The following CNKSR2 variants were observed in gnomAD, a reference collection of about 807,000 sequenced individuals.
The protein encoded by CNKSR2 is connector enhancer of kinase suppressor of Ras 2, also known as CNK homolog protein 2.
Under a neutral mutation model 84.4 loss-of-function variants are expected in CNKSR2, and 14 were observed. The ratio of observed to expected loss-of-function variants is 0.17; its 90% confidence interval spans 0.11 to 0.26. The LOEUF (loss-of-function observed/expected upper bound fraction) is 0.26, where lower values mean the gene tolerates loss of function less well. Ranked by LOEUF, CNKSR2 falls within the 10% of genes least tolerant of loss-of-function variation. The pLI is 1.00. For synonymous variants in CNKSR2, 275 were observed against 277.9 expected (o/e 0.99, Z 0.10); for missense variants, 485 against 771.2 (o/e 0.63, Z 4.40).
chrX:21,609,425 G>T lies in CNKSR2; in HGVS notation c.2500G>T (p.Val834Leu). 1 of 1,209,248 alleles carries T rather than the reference G, an allele frequency of 8.3e-7. No individual in the cohort carries two copies. Among genetic ancestry groups the T allele is most frequent in the Middle Eastern group, 2.3e-4 (1 of 4,354 alleles). The change falls in exon 20 of 22, where the codon GTG becomes TTG. Residue 834 changes from valine (V) to leucine (L), a missense_variant. Physicochemically the swap from Val to Leu is conservative, Grantham distance 32 (BLOSUM62 1). This residue lies in a region of CNKSR2 where 210 missense variants were observed against 291.5 expected (regional missense o/e 0.72). Coordinates refer to ENST00000379510, the MANE Select transcript of CNKSR2 (RefSeq NM_014927.5). ...YPLAESERMQ[V>L]LNGNGGKPRS... ...CTTAGCTGAGAGTGAGAGGATGCAA[G>T]TGCTAAATGGAAATGGGGGCAAGCC...
chrX:21,465,516 T>A (rs2091115600), intron 4 of CNKSR2, among the ~76,000 whole-genome samples: 1 of 111,384 alleles, frequency 9.0e-6, no homozygotes, highest in Non-Finnish European at 1.9e-5. Flanking sequence ...GAAGGTACCA[T>A]TATCAAAGGT....
intron 20 of CNKSR2, among the ~76,000 whole-genome samples, chrX:21,620,211 CT>C (rs1237377107): frequency 9.1e-6 from 1 of 110,453 alleles, no homozygotes; most frequent in East Asian, 2.9e-4. Context: ...TTTTAAGCAT[CT>C]TTTTTTAATG....
intron 21 of CNKSR2, among the ~76,000 whole-genome samples, chrX:21,649,440 C>T (rs1162435695): frequency 8.9e-6 from 1 of 112,396 alleles, no homozygotes; most frequent in East Asian, 2.8e-4. Flanking sequence ...TGAGATATTT[C>T]GTGATTGTTT....
chrX:21,609,209 G>A lies in CNKSR2; in HGVS notation c.2284G>A (p.Ala762Thr), dbSNP rs775399627. 4.1e-6 allele frequency: 5 copies of A among 1,211,140 alleles called. No homozygotes were observed. In the South Asian group the frequency reaches 7.0e-5, roughly 17 times the overall value. ...TGCAGTGTCTCCCATTCGCAAGACA[G>A]CCAGTCAGCGCCGCTCCTGGCAGGA... ...SSAVSPIRKT[A>T]SQRRSWQDLI... The change falls in exon 20 of 22, where the codon GCC becomes ACC. Residue 762 changes from alanine to threonine, a missense_variant. Coordinates refer to ENST00000379510, the MANE Select transcript of CNKSR2 (RefSeq NM_014927.5).
chrX:21,447,653 C>A (rs559024119), intron 4 of CNKSR2, among the ~76,000 whole-genome samples: 1 of 111,588 alleles, frequency 9.0e-6, no homozygotes, highest in Admixed American at 9.5e-5. Context: ...TTTAAAGAAC[C>A]AAGCCAACAG....
At chrX:21,497,332 G>T (rs1436338498) in intron 6 of CNKSR2, among the ~76,000 whole-genome samples, 1 of 111,522 alleles carries the variant, frequency 9.0e-6, no homozygotes, top group Non-Finnish European at 1.9e-5. Flanking sequence ...CACTCTTCTG[G>T]TTCCAGTTAT....
At chrX:21,441,542 A>G (rs1024634369) in intron 4 of CNKSR2, 7 of 112,208 alleles carry the variant, frequency 6.2e-5, no homozygotes, top group Non-Finnish European at 1.9e-5. Context: ...TGTTAAGTAC[A>G]TTGAAGAAAT....
At chrX:21,453,703 T>G (rs757533513) in intron 4 of CNKSR2, among the ~76,000 whole-genome samples, 2 of 111,564 alleles carry the variant, frequency 1.8e-5, no homozygotes, top group Non-Finnish European at 3.8e-5. Flanking sequence ...TCTGGGTAAT[T>G]TATAAAGAAA....
intron 1 of CNKSR2, among the ~76,000 whole-genome samples, chrX:21,414,059 G>C (rs1008930311): frequency 9.0e-6 from 1 of 111,571 alleles, no homozygotes; most frequent in African/African-American, 3.3e-5. Flanking sequence ...CTGATATCCT[G>C]ATTTCCTTTC....
intron 11 of CNKSR2, among the ~76,000 whole-genome samples, chrX:21,556,342 A>G (rs1194046252): frequency 9.0e-6 from 1 of 111,363 alleles, no homozygotes; most frequent in Non-Finnish European, 1.9e-5. Flanking sequence ...ACAGAATTCA[A>G]GTAACTAAAT....
chrX:21,541,140 G>A (rs1327196656), intron 11 of CNKSR2, among the ~76,000 whole-genome samples: 1 of 110,032 alleles, frequency 9.1e-6, no homozygotes, highest in Non-Finnish European at 1.9e-5. Context: ...ACGCCACCAC[G>A]CCCAGCTAAT....
chrX:21,563,363 A>G lies in CNKSR2; in HGVS notation c.1519A>G (p.Thr507Ala). 8.3e-7 allele frequency: 1 copy of G among 1,210,268 alleles called. No homozygotes were observed. Among genetic ancestry groups the G allele is most frequent in the Non-Finnish European group, 1.1e-6 (1 of 894,422 alleles). Reference protein sequence around the residue: ...KKKGDKSNSPTHYSLLPSLQM... With the variant: ...KKKGDKSNSPAHYSLLPSLQM... ...GAAGGGTGATAAGAGTAATAGCCCA[A>G]CTCACTATTCATTGCTACCTAGTTT... is the stretch of plus-strand genomic sequence containing the variant. Residue 507 changes from threonine (T) to alanine (A), a missense_variant, in exon 13 of 22, where the codon ACT (threonine) becomes GCT (alanine). By Grantham distance (58) the Thr-to-Ala change is moderately conservative. This residue lies in a region of CNKSR2 where 132 missense variants were observed against 166.7 expected (regional missense o/e 0.79). Transcript: ENST00000379510.
chrX:21,635,378 ATGTG>A (rs74314224), intron 20 of CNKSR2, among the ~76,000 whole-genome samples: 10,063 of 94,571 alleles, frequency 0.11, 484 homozygotes, highest in African/African-American at 0.18. Flanking sequence ...TCTAAAATAA[ATGTG>A]TGTGTGTGTG....
intron 1 of CNKSR2, among the ~76,000 whole-genome samples, chrX:21,417,942 T>G (rs905338177): frequency 1.8e-5 from 2 of 111,499 alleles, no homozygotes; most frequent in African/African-American, 6.5e-5. Flanking sequence ...CCTCCTGCCA[T>G]TTTGTTATTT....
intron 5 of CNKSR2, among the ~76,000 whole-genome samples, chrX:21,489,743 C>A (rs764172945): frequency 8.9e-6 from 1 of 112,166 alleles, no homozygotes; most frequent in Non-Finnish European, 1.9e-5. Context: ...ATTTGCTCTT[C>A]AGTTCATTCA....
intron 4 of CNKSR2, among the ~76,000 whole-genome samples, chrX:21,461,520 A>G (rs888336450): frequency 4.5e-5 from 5 of 111,041 alleles, no homozygotes; most frequent in Non-Finnish European, 9.5e-5. Context: ...CCTTTGCTGT[A>G]CAGAAGCTTT....
At chrX:21,544,669 G>C (rs1318001791) in intron 11 of CNKSR2, among the ~76,000 whole-genome samples, 1 of 111,364 alleles carries the variant, frequency 9.0e-6, no homozygotes, top group Non-Finnish European at 1.9e-5. Flanking sequence ...GGTAATTTCT[G>C]CATTTCCAAC....
At chrX:21,530,311 A>G (rs1489598691) in intron 10 of CNKSR2, among the ~76,000 whole-genome samples, 3 of 111,389 alleles carry the variant, frequency 2.7e-5, no homozygotes, top group Non-Finnish European at 5.7e-5. Flanking sequence ...AAACTCACTG[A>G]TTGTCAGTCT....
chrX:21,398,278 T>C (rs2090144939), intron 1 of CNKSR2, among the ~76,000 whole-genome samples: 1 of 111,971 alleles, frequency 8.9e-6, no homozygotes, highest in Non-Finnish European at 1.9e-5. Context: ...TTTTCAAATT[T>C]AATATTTATA....
Sources: gnomAD v4.1 joint callset for allele counts (sites outside exome capture counted in the v4.1 genomes callset) on GRCh38, gnomAD v4.1.1 for gene constraint, gnomAD v4.1.1 regional missense constraint, MANE v1.5 for transcripts, NCBI Gene and HGNC (gene_info 2026-07-23, HGNC 2026-07-21) for gene names.